Variants in ALCAM observed in about 807,000 individuals in gnomAD.
ALCAM encodes activated leukocyte cell adhesion molecule, also known as CD166 antigen.
Under a neutral mutation model 70.9 loss-of-function variants are expected in ALCAM, and 30 were observed. The ratio of observed to expected loss-of-function variants is 0.42; its 90% CI spans 0.32 to 0.57. The LOEUF (loss-of-function observed/expected upper bound fraction) is 0.57, where lower values mean the gene tolerates loss of function less well. Ranked by LOEUF, ALCAM falls within the 20% of genes least tolerant of loss-of-function variation. ALCAM has a pLI of 0.11. For missense variants in ALCAM, 591 were observed against 695.1 expected (o/e 0.85, Z 1.68); for synonymous variants, 249 against 242.5 (o/e 1.03, Z -0.25).
At chr3:105,505,573 C>T (rs947165877) in intron 1 of ALCAM, among the ~76,000 whole-genome samples, 1 of 152,140 alleles carries the variant, frequency 6.6e-6, no homozygotes, top group Non-Finnish European at 1.5e-5. Context: ...AGTATCTGGA[C>T]ATTTTAGCCA....
At chr3:105,375,398 T>C (rs1935349795) in intron 1 of ALCAM, among the ~76,000 whole-genome samples, 1 of 152,244 alleles carries the variant, frequency 6.6e-6, no homozygotes, top group Admixed American at 6.5e-5. Flanking sequence ...CCTAACCAAG[T>C]GCATATTTTT....
At chr3:105,394,772 C>T (rs1258622043) in intron 1 of ALCAM, among the ~76,000 whole-genome samples, 1 of 151,874 alleles carries the variant, frequency 6.6e-6, no homozygotes, top group Non-Finnish European at 1.5e-5. Context: ...GTTTCTTTTT[C>T]CATTTTAATA....
At chr3:105,441,371 A>C (rs1396747204) in intron 1 of ALCAM, among the ~76,000 whole-genome samples, 1 of 152,188 alleles carries the variant, frequency 6.6e-6, no homozygotes, top group Non-Finnish European at 1.5e-5. Flanking sequence ...CAATGCATTA[A>C]ATCAAGTTTC....
At chr3:105,427,621 A>G (rs1936822838) in intron 1 of ALCAM, among the ~76,000 whole-genome samples, 1 of 151,870 alleles carries the variant, frequency 6.6e-6, no homozygotes. Flanking sequence ...GCCTAGGACA[A>G]GGGCTCTTAA....
chr3:105,538,684 A>G (rs1940036154), intron 6 of ALCAM, among the ~76,000 whole-genome samples: 1 of 152,162 alleles, frequency 6.6e-6, no homozygotes, highest in Non-Finnish European at 1.5e-5. Flanking sequence ...GGGCCAAGTA[A>G]GAAAAGCAAG....
chr3:105,388,796 G>A (rs9826365), intron 1 of ALCAM, among the ~76,000 whole-genome samples: 223 of 151,446 alleles, frequency 1.5e-3, no homozygotes, highest in Non-Finnish European at 2.0e-3. Flanking sequence ...ATTCCAAATG[G>A]TCCTAATCAC....
At chr3:105,368,555 C>T (rs1353065945) in intron 1 of ALCAM, among the ~76,000 whole-genome samples, 1 of 152,006 alleles carries the variant, frequency 6.6e-6, no homozygotes. Flanking sequence ...TTGTTCTTAG[C>T]TTTTTCTTTA....
chr3:105,401,988 A>C (rs1280649704), intron 1 of ALCAM, among the ~76,000 whole-genome samples: 1 of 152,222 alleles, frequency 6.6e-6, no homozygotes, highest in Non-Finnish European at 1.5e-5. Context: ...ACTGCTTGAA[A>C]AAAACAGAGA....
chr3:105,367,199 G>T lies in ALCAM; in HGVS notation c.-210G>T. 1 of 570,248 alleles carries T rather than the reference G, an allele frequency of 1.8e-6. No individual in the cohort carries two copies. The highest frequency in any genetic ancestry group is 3.2e-6 in the Non-Finnish European group (1 of 316,854). The allele number at this position is 570,248 out of a possible 1,614,324, so 35.3% of individuals were successfully genotyped here. A position where few individuals can be genotyped will look rare whatever the true frequency, so the allele number is the denominator to read the frequency against. On this transcript the variant is annotated 5_prime_UTR_variant, in exon 1 of 16. In the 5' UTR this introduces an upstream ATG that the reference lacks. Transcript: ENST00000306107. ...GCCCGTGGGCTGGTGTTGACCGGGAGGGAGGAGGAGTTGGGGGCATTGCGT... is the reference window on the plus strand; with the variant it reads ...GCCCGTGGGCTGGTGTTGACCGGGATGGAGGAGGAGTTGGGGGCATTGCGT...
At chr3:105,388,452 T>G (rs1026720504) in intron 1 of ALCAM, among the ~76,000 whole-genome samples, 1 of 151,708 alleles carries the variant, frequency 6.6e-6, no homozygotes, top group Middle Eastern at 3.4e-3. Flanking sequence ...CCTCTTAGAG[T>G]ATTACAAAAT....
rs201217354 is a variant in ALCAM, at chr3:105,367,369, C to T, written c.-40C>T. ...CCCGGGACGACGCCCCCTCCTGCGG[C>T]GTGGACTCCGTCAGTGGCCCACCAA... On this transcript the variant is annotated 5_prime_UTR_variant, in exon 1 of 16. Coordinates refer to ENST00000306107, the MANE Select transcript of ALCAM (RefSeq NM_001627.4). 2.8e-3 allele frequency: 4,456 copies of T among 1,606,852 alleles called. 13 individuals are homozygous for T. Among genetic ancestry groups the T allele is most frequent in the Middle Eastern group, 0.011 (62 of 5,852 alleles).
chr3:105,515,710 C>T (rs1939364251), intron 1 of ALCAM, among the ~76,000 whole-genome samples: 1 of 151,956 alleles, frequency 6.6e-6, no homozygotes, highest in Non-Finnish European at 1.5e-5. Flanking sequence ...CTTATTTGGT[C>T]CAATAGTGAC....
At chr3:105,544,192 C>T (rs1042029896) in intron 8 of ALCAM, among the ~76,000 whole-genome samples, 2 of 151,598 alleles carry the variant, frequency 1.3e-5, no homozygotes, top group Admixed American at 6.6e-5. Context: ...ATGAGTTTAA[C>T]TTCCATGAGT....
chr3:105,488,701 G>A (rs1272571002), intron 1 of ALCAM, among the ~76,000 whole-genome samples: 1 of 145,198 alleles, frequency 6.9e-6, no homozygotes, highest in Non-Finnish European at 1.5e-5. Context: ...AAGGAAAGAA[G>A]GGAAGGAAAG....
intron 1 of ALCAM, among the ~76,000 whole-genome samples, chr3:105,486,337 G>T (rs1938426701): frequency 6.6e-6 from 1 of 152,030 alleles, no homozygotes; most frequent in African/African-American, 2.4e-5. Flanking sequence ...AGCTATTTGA[G>T]GTGTTGTAGC....
chr3:105,474,428 T>C (rs760501821), intron 1 of ALCAM, among the ~76,000 whole-genome samples: 2 of 151,752 alleles, frequency 1.3e-5, no homozygotes, highest in Non-Finnish European at 2.9e-5. Context: ...TTTTTTCTGG[T>C]TGCATGAGAG....
At chr3:105,462,965 A>T (rs1427781240) in intron 1 of ALCAM, among the ~76,000 whole-genome samples, 2 of 151,522 alleles carry the variant, frequency 1.3e-5, no homozygotes, top group Non-Finnish European at 3.0e-5. Context: ...GAGAGATCAG[A>T]TCCATATCAT....
rs867480152 is a variant in ALCAM, at chr3:105,441,746, C to T, written c.73+74265C>T. On this transcript the variant is annotated intron_variant, in intron 1 of 15. Coordinates refer to ENST00000306107, the MANE Select transcript of ALCAM (RefSeq NM_001627.4). ...TTTTCCTCTGTAATGGACTCCAATC[C>T]TGTTTATAAGTTTTATAAATAAGAG... is the stretch of plus-strand genomic sequence containing the variant. 2.6e-5 allele frequency among the ~76,000 whole-genome samples: 4 copies of T among 152,228 alleles called. No individual in the cohort carries two copies. The South Asian group carries it at 8.3e-4, about 32-fold the overall frequency.
chr3:105,368,264 A>AGAGAGAGAGAGAGAGAGAGAGAGAGG (rs1559767087), intron 1 of ALCAM, among the ~76,000 whole-genome samples: 1 of 142,118 alleles, frequency 7.0e-6, no homozygotes, highest in Non-Finnish European at 1.6e-5. Context: ...AGAGAGAGAG[A>AGAGAGAGAGAGAGAGAGAGAGAGAGG]AAAGGCAAAA....
Sources: allele counts gnomAD v4.1 joint callset (sites outside exome capture counted in the v4.1 genomes callset), GRCh38; gene constraint gnomAD v4.1.1; transcripts MANE v1.5; gene names NCBI Gene and HGNC (gene_info 2026-07-23, HGNC 2026-07-21).